The following SNTG1 variants were observed in gnomAD, a reference collection of about 807,000 sequenced individuals.
SNTG1 encodes syntrophin gamma 1.
A neutral mutation model predicts 74.7 loss-of-function variants in SNTG1; 39 were observed. That is an observed-to-expected ratio of 0.52 (90% confidence interval 0.40 to 0.68). The LOEUF (loss-of-function observed/expected upper bound fraction) is 0.68, where lower values mean the gene tolerates loss of function less well. Among genes scored for constraint, SNTG1 ranks in the 30% least tolerant of loss-of-function variants. The pLI is 0.00. For synonymous variants in SNTG1, 254 were observed against 217.1 expected, an observed-to-expected ratio of 1.17 and a Z score of -1.49; for missense variants, 685 against 609.5, an observed-to-expected ratio of 1.12 and a Z score of -1.30.
At chr8:50,512,108 C>T (rs10113235) in intron 9 of SNTG1, among the ~76,000 whole-genome samples, 20,662 of 151,748 alleles carry the variant, frequency 0.14, 1,496 homozygotes, top group African/African-American at 0.17. Context: ...TAGTGCAGGC[C>T]TGGTGGTGAC....
intron 1 of SNTG1, among the ~76,000 whole-genome samples, chr8:50,107,748 A>T (rs1207217554): frequency 6.6e-6 from 1 of 151,826 alleles, no homozygotes. Context: ...ACGGGGTTTT[A>T]CCATGTTGGC....
intron 2 of SNTG1, among the ~76,000 whole-genome samples, chr8:50,357,026 C>T (rs1315773436): frequency 6.6e-6 from 1 of 152,184 alleles, no homozygotes; most frequent in Non-Finnish European, 1.5e-5. Context: ...TCCAAAATTG[C>T]CTTTGGGCCT....
intron 18 of SNTG1, among the ~76,000 whole-genome samples, chr8:50,782,769 A>C (rs920069116): frequency 1.3e-5 from 2 of 152,120 alleles, no homozygotes; most frequent in African/African-American, 4.8e-5. Flanking sequence ...CCTTTGGAGG[A>C]AGAGAGGTGC....
At chr8:50,514,453 T>C (rs1380050304) in intron 9 of SNTG1, among the ~76,000 whole-genome samples, 2 of 152,238 alleles carry the variant, frequency 1.3e-5, no homozygotes, top group African/African-American at 4.8e-5. Context: ...TTGTTTAAAA[T>C]ATTTTTAAGT....
chr8:50,438,878 G>C (rs963096508), intron 5 of SNTG1, among the ~76,000 whole-genome samples: 1 of 152,108 alleles, frequency 6.6e-6, no homozygotes, highest in African/African-American at 2.4e-5. Flanking sequence ...TAAATATGAT[G>C]TCGTGTGCAT....
intron 4 of SNTG1, among the ~76,000 whole-genome samples, chr8:50,405,036 T>G (rs2092853918): frequency 6.6e-6 from 1 of 152,096 alleles, no homozygotes; most frequent in Admixed American, 6.6e-5. Context: ...ATACCACCTT[T>G]TGTTTATCTT....
At chr8:50,054,517 C>T (rs552911746) in intron 1 of SNTG1, among the ~76,000 whole-genome samples, 1 of 152,132 alleles carries the variant, frequency 6.6e-6, no homozygotes, top group South Asian at 2.1e-4. Flanking sequence ...AAACTCTTTC[C>T]ATCTTTGTTC....
At chr8:50,657,567 A>G (rs1213075993) in intron 14 of SNTG1, among the ~76,000 whole-genome samples, 1 of 152,162 alleles carries the variant, frequency 6.6e-6, no homozygotes, top group Non-Finnish European at 1.5e-5. Context: ...ATAGCATCTT[A>G]TCTAGCTACT....
chr8:50,421,883 A>G (rs1050978089), intron 4 of SNTG1, among the ~76,000 whole-genome samples: 2 of 152,190 alleles, frequency 1.3e-5, no homozygotes, highest in East Asian at 3.9e-4. Flanking sequence ...GAAATTACAG[A>G]CATAATGCAG....
intron 1 of SNTG1, among the ~76,000 whole-genome samples, chr8:50,038,601 A>G (rs2130800418): frequency 6.6e-6 from 1 of 152,206 alleles, no homozygotes; most frequent in Non-Finnish European, 1.5e-5. Context: ...GTTCCTCCCC[A>G]TTTGATGTGA....
intron 2 of SNTG1, among the ~76,000 whole-genome samples, chr8:50,275,629 G>A (rs2088052898): frequency 6.6e-6 from 1 of 152,110 alleles, no homozygotes; most frequent in Admixed American, 6.6e-5. Context: ...CGGTGCTGGA[G>A]GTAGAACCCA....
intron 2 of SNTG1, among the ~76,000 whole-genome samples, chr8:50,283,471 A>G (rs916007142): frequency 6.6e-6 from 1 of 152,244 alleles, no homozygotes; most frequent in East Asian, 1.9e-4. Context: ...ATGAATGTAC[A>G]TTATAATGCA....
intron 1 of SNTG1, among the ~76,000 whole-genome samples, chr8:49,939,108 CT>C (rs1205015912): frequency 2.0e-5 from 3 of 152,134 alleles, no homozygotes; most frequent in Non-Finnish European, 4.4e-5. Context: ...TTATTTAGTA[CT>C]GCAGACTGTT....
chr8:50,705,889 T>G (rs1257458023), intron 16 of SNTG1, among the ~76,000 whole-genome samples: 1 of 152,232 alleles, frequency 6.6e-6, no homozygotes, highest in Non-Finnish European at 1.5e-5. Context: ...TTCATGCGCT[T>G]GCCACATGCA....
intron 10 of SNTG1, among the ~76,000 whole-genome samples, chr8:50,535,021 C>T (rs2094297521): frequency 6.6e-6 from 1 of 152,054 alleles, no homozygotes; most frequent in Non-Finnish European, 1.5e-5. Context: ...ATATTTGATA[C>T]ATTTTACTTA....
At chr8:50,515,693 C>T (rs1212364587) in intron 9 of SNTG1, among the ~76,000 whole-genome samples, 2 of 152,134 alleles carry the variant, frequency 1.3e-5, no homozygotes, top group Non-Finnish European at 2.9e-5. Context: ...CTGGGAACTT[C>T]TAACAGGGTA....
At chr8:50,789,349 T>A (rs2095684869) in intron 18 of SNTG1, among the ~76,000 whole-genome samples, 1 of 151,942 alleles carries the variant, frequency 6.6e-6, no homozygotes. Context: ...CTTTCTTACA[T>A]TTTTATACTG....
chr8:50,591,065 C>T lies in SNTG1; in HGVS notation c.849+148C>T. 6 of 485,544 alleles carry T rather than the reference C, an allele frequency of 1.2e-5. No individual in the cohort carries two copies. The South Asian group carries it at 2.4e-4, about 19-fold the overall frequency. 30.1% of individuals were successfully genotyped at this position (485,544 alleles called of 1,614,324 possible). On this transcript the variant is annotated intron_variant, in intron 13 of 18. Coordinates refer to ENST00000642720, the MANE Select transcript of SNTG1 (RefSeq NM_018967.5). The stretch of plus-strand genomic sequence containing the variant: ...GAGAAACATACATTTCAGATATCTC[C>T]TTCATATTATGTAATATATTGGTTC...
At chr8:50,422,835 C>G (rs963789980) in intron 4 of SNTG1, among the ~76,000 whole-genome samples, 1 of 152,162 alleles carries the variant, frequency 6.6e-6, no homozygotes, top group Non-Finnish European at 1.5e-5. Flanking sequence ...AATGCAGGCT[C>G]CTCTACTCTT....
Sources: gnomAD v4.1 joint callset for allele counts (sites outside exome capture counted in the v4.1 genomes callset) on GRCh38, gnomAD v4.1.1 for gene constraint, MANE v1.5 for transcripts, NCBI Gene and HGNC (gene_info 2026-07-23, HGNC 2026-07-21) for gene names.